The following ABCC11 variants were observed in gnomAD, a reference collection of about 807,000 sequenced individuals.
ABCC11 encodes the protein ATP-binding cassette sub-family C member 11.
A neutral mutation model predicts 149.3 loss-of-function variants in ABCC11; 135 were observed. The observed-to-expected ratio is 0.90, with a 90% CI of 0.79 to 1.04. ABCC11 has a LOEUF of 1.04. Among genes scored for constraint, ABCC11 ranks in the 50% least tolerant of loss-of-function variants. ABCC11 has a pLI of 0.00. For missense variants in ABCC11, 1,680 were observed against 1,722.1 expected (o/e 0.98, Z 0.43); for synonymous variants, 665 against 671.4 (o/e 0.99, Z 0.15).
intron 26 of ABCC11, among the ~76,000 whole-genome samples, chr16:48,173,547 A>C (rs1453708097): frequency 1.3e-5 from 2 of 152,222 alleles, no homozygotes; most frequent in Non-Finnish European, 2.9e-5. Context: ...ATTTGGCCAC[A>C]TTCTACTGTA....
rs1165258963 is a variant in ABCC11 at position 48,170,902 on chromosome 16, A to AATGTCCTCTCCAAGGC, written c.3748_3763dup (p.Phe1255CysfsTer54). ...GGAGCTACTTACGGCCTTGGTCAGG[A>AATGTCCTCTCCAAGGC]ATGTCCTCTCCAAGGCATCCCAGAT... On this transcript the variant is annotated frameshift_variant, in exon 27 of 30. Coordinates refer to ENST00000356608, the MANE Select transcript of ABCC11 (RefSeq NM_001370497.1). LOFTEE classifies it high-confidence loss of function. 6.2e-7 allele frequency: 1 copy of AATGTCCTCTCCAAGGC among 1,613,696 alleles called. No homozygotes were observed. Among genetic ancestry groups the AATGTCCTCTCCAAGGC allele is most frequent in the Non-Finnish European group, 8.5e-7 (1 of 1,179,698 alleles).
chr16:48,213,843 C>T (rs888355138), intron 9 of ABCC11, among the ~76,000 whole-genome samples: 1 of 152,186 alleles, frequency 6.6e-6, no homozygotes, highest in Non-Finnish European at 1.5e-5. Flanking sequence ...TGAGAAAAAT[C>T]ATAAAGTGTA....
At chr16:48,229,755 C>T (rs547725381) in intron 3 of ABCC11, among the ~76,000 whole-genome samples, 52 of 152,268 alleles carry the variant, frequency 3.4e-4, no homozygotes, top group African/African-American at 1.2e-3. Context: ...TGAGCCACCG[C>T]GCCCGGCCGG....
intron 22 of ABCC11, 120 bp from the exon 23 acceptor site, chr16:48,184,746 T>A: frequency 9.5e-7 from 1 of 1,047,514 alleles, no homozygotes; most frequent in Non-Finnish European, 1.4e-6. Flanking sequence ...CAGCAGGGCC[T>A]GATTTTTCTT....
chr16:48,210,076 AG>A (rs1413462378), intron 11 of ABCC11: 1 of 152,182 alleles, frequency 6.6e-6, no homozygotes, highest in Non-Finnish European at 1.5e-5. Context: ...AGGGAAGGAA[AG>A]GAATCAAGTG....
intron 27 of ABCC11, 78 bp from the exon 28 acceptor site, chr16:48,170,296 C>T (rs563397705): frequency 9.3e-5 from 105 of 1,135,090 alleles, no homozygotes; most frequent in African/African-American, 7.0e-4. Flanking sequence ...GTCAATCTTC[C>T]GCTGTATTGG....
intron 12 of ABCC11, among the ~76,000 whole-genome samples, chr16:48,206,675 A>C (rs1202201126): frequency 6.6e-6 from 1 of 152,236 alleles, no homozygotes; most frequent in Non-Finnish European, 1.5e-5. Flanking sequence ...ACCACTGGGC[A>C]CGTAGGAGGT....
chr16:48,185,450 A>G (rs1184832452), intron 22 of ABCC11, among the ~76,000 whole-genome samples: 3 of 152,204 alleles, frequency 2.0e-5, no homozygotes, highest in Non-Finnish European at 4.4e-5. Context: ...TTCCATGTCA[A>G]TCACAACCTG....
chr16:48,183,854 G>A (rs116201577), intron 23 of ABCC11, among the ~76,000 whole-genome samples: 3,859 of 152,296 alleles, frequency 0.025, 139 homozygotes, highest in African/African-American at 0.074. Flanking sequence ...GGTCCTCCTG[G>A]CAGCCCCACC....
chr16:48,175,438 G>A (rs771932458), intron 25 of ABCC11, 21 bp from the exon 26 acceptor site: 24 of 1,594,378 alleles, frequency 1.5e-5, no homozygotes, highest in African/African-American at 6.7e-5. Flanking sequence ...AGAAACAAGC[G>A]GGGCCTCAGT....
intron 23 of ABCC11, among the ~76,000 whole-genome samples, chr16:48,179,264 T>C (rs895644352): frequency 1.3e-5 from 2 of 152,166 alleles, no homozygotes; most frequent in African/African-American, 4.8e-5. Context: ...ACTTCCCAAA[T>C]AAGCTGCCTG....
chr16:48,219,431 A>C (rs1969581358), intron 6 of ABCC11, among the ~76,000 whole-genome samples: 1 of 152,154 alleles, frequency 6.6e-6, no homozygotes, highest in Admixed American at 6.5e-5. Context: ...TCGGCATCCC[A>C]AAGTGCTGGG....
At chr16:48,228,337 T>C (rs1350949791) in intron 3 of ABCC11, among the ~76,000 whole-genome samples, 3 of 152,032 alleles carry the variant, frequency 2.0e-5, no homozygotes, top group Non-Finnish European at 4.4e-5. Context: ...CTCATGCCTA[T>C]AATCCCAGCA....
Position 48,167,166 on chromosome 16 carries a change from A to T in ABCC11, c.*108T>A. The T allele has an allele frequency of 2.3e-6, 1 of 428,030 alleles. No homozygotes were observed. The highest frequency in any genetic ancestry group is 4.7e-6 in the Non-Finnish European group (1 of 211,598). The allele number at this position is 428,030 out of a possible 1,614,324, so 26.5% of individuals were successfully genotyped here. A position where few individuals can be genotyped will look rare whatever the true frequency, so the allele number is the denominator to read the frequency against. ...CCCTACATTTACCCCTGCTTCCAGG[A>T]GAAGTTCTCATCTCCAAACAAGAAG... is the stretch of plus-strand genomic sequence containing the variant. On this transcript the variant is annotated 3_prime_UTR_variant, in exon 30 of 30. Transcript: ENST00000356608.
Position 48,196,337 on chromosome 16 carries a change from A to C in ABCC11, c.2315-16T>G. The C allele has an allele frequency of 1.9e-6, 3 of 1,611,548 alleles. No homozygotes were observed. Among genetic ancestry groups the C allele is most frequent in the South Asian group, 1.1e-5 (1 of 90,742 alleles). On this transcript the variant is annotated splice_polypyrimidine_tract_variant and intron_variant, in intron 17 of 29. Coordinates refer to ENST00000356608, the MANE Select transcript of ABCC11 (RefSeq NM_001370497.1). ...TGCTCCGGCACTGGGTCAGGGTAGA[A>C]GAAGAGAAAAGTGGTATGCCTGCCA...
At chr16:48,238,808 G>A (rs1030738998) in intron 1 of ABCC11, among the ~76,000 whole-genome samples, 1 of 151,322 alleles carries the variant, frequency 6.6e-6, no homozygotes, top group East Asian at 1.9e-4. Context: ...TTGGTGGTGG[G>A]AACCTGTAGT....
chr16:48,246,830 T>G (rs1281969118), intron 1 of ABCC11, among the ~76,000 whole-genome samples: 4 of 152,076 alleles, frequency 2.6e-5, no homozygotes, highest in African/African-American at 9.7e-5. Context: ...TGCTTTGGCC[T>G]CTGGAGTAGC....
rs1183912230 is a variant in ABCC11 at position 48,167,195 on chromosome 16, G to A, written c.*79C>T. The stretch of plus-strand genomic sequence containing the variant: ...GTTCTCATCTCCAAACAAGAAGGTC[G>A]CAGACTGTGGGCCTCGAAGCTGCAC... On this transcript the variant is annotated 3_prime_UTR_variant, in exon 30 of 30. Transcript: ENST00000356608. 1.1e-5 allele frequency: 8 copies of A among 738,944 alleles called. No individual in the cohort carries two copies. The highest frequency in any genetic ancestry group is 1.8e-5 in the Non-Finnish European group (7 of 395,262). The allele number at this position is 738,944 out of a possible 1,614,324, so 45.8% of individuals were successfully genotyped here. A position where few individuals can be genotyped will look rare whatever the true frequency, so the allele number is the denominator to read the frequency against.
intron 18 of ABCC11, 141 bp downstream of exon 18, chr16:48,196,091 T>C: frequency 2.8e-6 from 2 of 709,738 alleles, no homozygotes; most frequent in South Asian, 4.2e-5. Flanking sequence ...GAGTAGAGTT[T>C]GGTTTTGCAA....
Sources: allele counts gnomAD v4.1 joint callset (sites outside exome capture counted in the v4.1 genomes callset), GRCh38; gene constraint gnomAD v4.1.1; transcripts MANE v1.5; gene names NCBI Gene and HGNC (gene_info 2026-07-23, HGNC 2026-07-21).